The following BARD1 variants were observed in gnomAD, a reference collection of about 807,000 sequenced individuals.
BARD1 encodes BRCA1-associated RING domain protein 1.
Under a neutral mutation model 77.0 loss-of-function variants are expected in BARD1, and 73 were observed. That is an observed-to-expected ratio of 0.95 (90% confidence interval 0.79 to 1.15). The LOEUF is 1.15. Among genes scored for constraint, BARD1 ranks in the 50% most tolerant of loss-of-function variants. BARD1 has a pLI of 0.00. For synonymous variants in BARD1, 384 were observed against 338.0 expected, an observed-to-expected ratio of 1.14 and a Z score of -1.49; for missense variants, 993 against 938.8, an observed-to-expected ratio of 1.06 and a Z score of -0.75.
intron 3 of BARD1, among the ~76,000 whole-genome samples, chr2:214,789,773 T>C (rs991077246): frequency 6.6e-6 from 1 of 152,136 alleles, no homozygotes; most frequent in African/African-American, 2.4e-5. Flanking sequence ...AAGATGACCT[T>C]CGTGTTCCTA....
At chr2:214,803,363 C>G (rs955425925) in intron 1 of BARD1, among the ~76,000 whole-genome samples, 3 of 152,140 alleles carry the variant, frequency 2.0e-5, no homozygotes, top group African/African-American at 7.2e-5. Flanking sequence ...GCAGTTGAGA[C>G]AAGAGGAAGG....
chr2:214,739,036 C>A (rs1431573838), intron 9 of BARD1, among the ~76,000 whole-genome samples: 1 of 152,024 alleles, frequency 6.6e-6, no homozygotes, highest in Non-Finnish European at 1.5e-5. Flanking sequence ...GTAGTTCCAG[C>A]TACTCAGGAG....
At chr2:214,774,888 T>A (rs11888027) in intron 4 of BARD1, among the ~76,000 whole-genome samples, 2 of 152,016 alleles carry the variant, frequency 1.3e-5, no homozygotes, top group East Asian at 1.9e-4. Context: ...TGGAGACAGC[T>A]TTTTTCCTTC....
chr2:214,759,712 T>G (rs1478467022), intron 6 of BARD1, among the ~76,000 whole-genome samples: 1 of 152,058 alleles, frequency 6.6e-6, no homozygotes, highest in Non-Finnish European at 1.5e-5. Context: ...ATTATAAAGA[T>G]TTAGGGCCCA....
intron 2 of BARD1, chr2:214,796,823 G>T: frequency 2.0e-6 from 1 of 502,378 alleles, no homozygotes; most frequent in Non-Finnish European, 3.6e-6. Context: ...CTCCAATTTG[G>T]CAAAGCTGTC....
At chr2:214,808,947 G>A (rs1036265927) in intron 1 of BARD1, among the ~76,000 whole-genome samples, 1 of 152,208 alleles carries the variant, frequency 6.6e-6, no homozygotes, top group Non-Finnish European at 1.5e-5. Context: ...TGTCAAAAAG[G>A]CCAGTTTAAC....
chr2:214,752,793 C>T (rs1027450685), intron 6 of BARD1, among the ~76,000 whole-genome samples: 2 of 152,134 alleles, frequency 1.3e-5, no homozygotes, highest in Non-Finnish European at 2.9e-5. Context: ...TTTTTCACAA[C>T]TGTATTCTGC....
Position 214,760,400 on chromosome 2 carries a change from C to T in BARD1, c.1568+7082G>A, listed in dbSNP as rs541485290. On this transcript the variant is annotated intron_variant, in intron 6 of 10. Coordinates refer to ENST00000260947, the MANE Select transcript of BARD1 (RefSeq NM_000465.4). ...TAGAGATGGGGTTTCACCATGTTGGCTAGGCTAGTCTCGAACTCCTGACCT... is the reference window on the plus strand; with the variant it reads ...TAGAGATGGGGTTTCACCATGTTGGTTAGGCTAGTCTCGAACTCCTGACCT... Among the ~76,000 whole-genome samples the T allele has an allele frequency of 1.7e-3, 255 of 152,254 alleles. 1 individual carries two copies. The highest frequency in any genetic ancestry group is 6.0e-3 in the African/African-American group (248 of 41,554).
chr2:214,803,832 G>A (rs1696143266), intron 1 of BARD1, among the ~76,000 whole-genome samples: 1 of 152,164 alleles, frequency 6.6e-6, no homozygotes, highest in Admixed American at 6.5e-5. Flanking sequence ...CACAGGTGTG[G>A]AGGGGCAACC....
At chr2:214,729,296 T>A (rs986239771) in intron 10 of BARD1, among the ~76,000 whole-genome samples, 14 of 152,228 alleles carry the variant, frequency 9.2e-5, no homozygotes, top group Non-Finnish European at 2.9e-5. Flanking sequence ...ATTTTGTGCA[T>A]GAAACAAAAT....
At chr2:214,737,034 G>GT (rs899509707) in intron 9 of BARD1, among the ~76,000 whole-genome samples, 32 of 152,174 alleles carry the variant, frequency 2.1e-4, no homozygotes, top group African/African-American at 7.7e-4. Context: ...GTGGCAAAGT[G>GT]TTTTGTTAAA....
At chr2:214,792,665 A>G (rs188507756) in intron 2 of BARD1, among the ~76,000 whole-genome samples, 1 of 152,286 alleles carries the variant, frequency 6.6e-6, no homozygotes, top group Admixed American at 6.5e-5. Flanking sequence ...ACTTAGCCTG[A>G]TTATTAGTCT....
chr2:214,796,247 T>C (rs370991986), intron 2 of BARD1, among the ~76,000 whole-genome samples: 20 of 152,274 alleles, frequency 1.3e-4, no homozygotes, highest in African/African-American at 4.8e-4. Context: ...GGCCATCACA[T>C]GGATATAATT....
chr2:214,781,705 C>T (rs1246852488), intron 3 of BARD1, among the ~76,000 whole-genome samples, 196 bp from the exon 4 acceptor site: 1 of 152,006 alleles, frequency 6.6e-6, no homozygotes, highest in Non-Finnish European at 1.5e-5. Flanking sequence ...GACTTTGTGC[C>T]ATATCCTAGA....
chr2:214,809,663 G>C lies in BARD1; in HGVS notation c.-94C>G, dbSNP rs956478066. 29 of 1,468,850 alleles carry C rather than the reference G, an allele frequency of 2.0e-5. No individual in the cohort carries two copies. The Admixed American group carries it at 2.2e-4, about 11-fold the overall frequency. The allele number at this position is 1,468,850 out of a possible 1,614,324, so 91.0% of individuals were successfully genotyped here. ...AGCTGCAGGCCAGCGACTCGAAACC[G>C]GCCAAGCTCTTCCCGCGTCTGGGAC... On this transcript the variant is annotated 5_prime_UTR_variant, in exon 1 of 11. Coordinates refer to ENST00000260947, the MANE Select transcript of BARD1 (RefSeq NM_000465.4).
intron 4 of BARD1, among the ~76,000 whole-genome samples, chr2:214,771,597 A>G (rs13391066): frequency 0.14 from 21,008 of 151,582 alleles, 1,543 homozygotes; most frequent in African/African-American, 0.19. Context: ...GCATGGTGGT[A>G]CACGCCTGTA....
At chr2:214,768,900 C>T (rs11685215) in intron 5 of BARD1, among the ~76,000 whole-genome samples, 13,918 of 152,116 alleles carry the variant, frequency 0.091, 1,033 homozygotes, top group East Asian at 0.42. Context: ...CTTTTTGTTC[C>T]AAGAAATTTG....
At chr2:214,752,680 G>A in intron 6 of BARD1, 125 bp from the exon 7 acceptor site, 1 of 739,780 alleles carries the variant, frequency 1.4e-6, no homozygotes, top group Non-Finnish European at 2.3e-6. Flanking sequence ...TTAGGCAGAA[G>A]AATCTAGAAT....
chr2:214,808,475 C>A (rs1365014466), intron 1 of BARD1, among the ~76,000 whole-genome samples: 1 of 127,752 alleles, frequency 7.8e-6, no homozygotes, highest in Admixed American at 8.6e-5. Context: ...TTAAGTTCTG[C>A]AAGTTAGAAA....
Sources: allele counts gnomAD v4.1 joint callset (sites outside exome capture counted in the v4.1 genomes callset), GRCh38; gene constraint gnomAD v4.1.1; transcripts MANE v1.5; gene names NCBI Gene and HGNC (gene_info 2026-07-23, HGNC 2026-07-21).